Variants in LGSN observed in about 807,000 individuals in gnomAD.
LGSN encodes lengsin.
Under a neutral mutation model 19.5 loss-of-function variants are expected in LGSN, and 21 were observed. The observed-to-expected ratio is 1.07, with a 90% CI of 0.76 to 1.55. LGSN has a LOEUF of 1.55. Ranked by LOEUF, LGSN falls within the 40% of genes most tolerant of loss-of-function variation. The pLI, the probability that LGSN is intolerant of heterozygous loss-of-function variation, is 0.00. For missense variants in LGSN, 673 were observed against 608.5 expected, an observed-to-expected ratio of 1.11 and a Z score of -1.12; for synonymous variants, 257 against 215.6, an observed-to-expected ratio of 1.19 and a Z score of -1.68.
At chr6:63,494,454 T>C in the LGSN span, among the ~76,000 whole-genome samples, 81,467 of 152,024 alleles carry the variant, frequency 0.54, 23,656 homozygotes, top group African/African-American at 0.77. Flanking sequence ...AGATAAATAA[T>C]GAAACATGAG....
chr6:63,359,372 CTT>C, the LGSN span, among the ~76,000 whole-genome samples: 1 of 152,196 alleles, frequency 6.6e-6, no homozygotes, highest in Non-Finnish European at 1.5e-5. Flanking sequence ...AGGATTCTGT[CTT>C]TTTCTATTGA....
chr6:63,374,382 G>C, the LGSN span, among the ~76,000 whole-genome samples: 1 of 152,186 alleles, frequency 6.6e-6, no homozygotes, highest in Non-Finnish European at 1.5e-5. Flanking sequence ...TTTGTTGACA[G>C]TGCTTCTAGG....
At chr6:63,565,693 T>C in the LGSN span, among the ~76,000 whole-genome samples, 11,408 of 152,258 alleles carry the variant, frequency 0.075, 475 homozygotes, top group East Asian at 0.16. Flanking sequence ...CCAGATTCCT[T>C]AAAAGGCTTG....
chr6:63,493,302 A>G, the LGSN span, among the ~76,000 whole-genome samples: 1 of 152,226 alleles, frequency 6.6e-6, no homozygotes, highest in African/African-American at 2.4e-5. Context: ...AAAAGCAATG[A>G]ATTTGCAGAG....
At chr6:63,366,870 G>A in the LGSN span, among the ~76,000 whole-genome samples, 1 of 150,558 alleles carries the variant, frequency 6.6e-6, no homozygotes, top group African/African-American at 2.5e-5. Flanking sequence ...ATGGTGCTGG[G>A]AGAACTGGCT....
chr6:63,430,471 C>T, the LGSN span, among the ~76,000 whole-genome samples: 1 of 152,216 alleles, frequency 6.6e-6, no homozygotes, highest in South Asian at 2.1e-4. Flanking sequence ...TCACTGCAAC[C>T]TCCGTCTCGT....
the LGSN span, among the ~76,000 whole-genome samples, chr6:63,393,661 A>C: frequency 6.6e-6 from 1 of 152,170 alleles, no homozygotes; most frequent in Non-Finnish European, 1.5e-5. Flanking sequence ...CTCAAACCTG[A>C]CTATAAAATC....
the LGSN span, among the ~76,000 whole-genome samples, chr6:63,557,892 A>C: frequency 1.3e-5 from 2 of 151,798 alleles, no homozygotes; most frequent in African/African-American, 4.8e-5. Flanking sequence ...TACTGAACAT[A>C]TGCTTTTTTT....
intron 2 of LGSN, among the ~76,000 whole-genome samples, chr6:63,288,189 T>C (rs1767616884): frequency 6.6e-6 from 1 of 151,438 alleles, no homozygotes; most frequent in African/African-American, 2.4e-5. Context: ...ATGGTGCCAT[T>C]GTACTCCAGC....
chr6:63,454,403 C>G, the LGSN span, among the ~76,000 whole-genome samples: 1 of 151,576 alleles, frequency 6.6e-6, no homozygotes, highest in South Asian at 2.1e-4. Flanking sequence ...CTTAAGTAAA[C>G]TAGTAATTTA....
chr6:63,336,080 G>C, the LGSN span, among the ~76,000 whole-genome samples: 1 of 152,164 alleles, frequency 6.6e-6, no homozygotes, highest in Non-Finnish European at 1.5e-5. Flanking sequence ...GATTGAGTGG[G>C]GGAGGATTAA....
At chr6:63,361,651 GCACCCAC>G in the LGSN span, among the ~76,000 whole-genome samples, 2 of 152,058 alleles carry the variant, frequency 1.3e-5, no homozygotes, top group Non-Finnish European at 2.9e-5. Flanking sequence ...TCGGTGCACT[GCACCCAC>G]TGTCCTGCAC....
chr6:63,317,594 A>G (rs1425789045), intron 1 of LGSN, among the ~76,000 whole-genome samples: 1 of 152,162 alleles, frequency 6.6e-6, no homozygotes, highest in Non-Finnish European at 1.5e-5. Context: ...CTCAGAGACA[A>G]AACAAATGGA....
chr6:63,339,966 A>G, the LGSN span, among the ~76,000 whole-genome samples: 1 of 152,038 alleles, frequency 6.6e-6, no homozygotes, highest in Non-Finnish European at 1.5e-5. Context: ...TAATTCCCTC[A>G]GTTTTTGCTT....
chr6:63,422,423 T>C, the LGSN span, among the ~76,000 whole-genome samples: 1 of 152,102 alleles, frequency 6.6e-6, no homozygotes, highest in Admixed American at 6.6e-5. Flanking sequence ...TAATGTCCAG[T>C]GTTGATAGTG....
chr6:63,293,512 T>C (rs1258288278), intron 2 of LGSN, among the ~76,000 whole-genome samples: 2 of 152,232 alleles, frequency 1.3e-5, no homozygotes, highest in Non-Finnish European at 2.9e-5. Flanking sequence ...AAGTATTTTA[T>C]AAAAGATAGG....
At chr6:63,520,004 A>C in the LGSN span, among the ~76,000 whole-genome samples, 2 of 152,234 alleles carry the variant, frequency 1.3e-5, no homozygotes, top group African/African-American at 4.8e-5. Flanking sequence ...GATTTAATGT[A>C]TCATCTACCT....
the LGSN span, among the ~76,000 whole-genome samples, chr6:63,336,392 CAG>C: frequency 5.3e-5 from 8 of 151,814 alleles, no homozygotes; most frequent in African/African-American, 1.9e-4. Flanking sequence ...AAAAGAAAAA[CAG>C]AGAGACCCGT....
chr6:63,394,647 T>C, the LGSN span, among the ~76,000 whole-genome samples: 1 of 152,236 alleles, frequency 6.6e-6, no homozygotes, highest in African/African-American at 2.4e-5. Flanking sequence ...TTCCTTTACT[T>C]TCTTAATAAA....
Sources: allele counts gnomAD v4.1 joint callset (sites outside exome capture counted in the v4.1 genomes callset), GRCh38; gene constraint gnomAD v4.1.1; transcripts MANE v1.5; gene names NCBI Gene and HGNC (gene_info 2026-07-23, HGNC 2026-07-21).